FAF1: variants seen among roughly 807,000 people sequenced by gnomAD.
The protein encoded by FAF1 is FAS-associated factor 1.
A neutral mutation model predicts 92.5 loss-of-function variants in FAF1; 25 were observed. The observed-to-expected ratio is 0.27, with a 90% CI of 0.20 to 0.38. The LOEUF (loss-of-function observed/expected upper bound fraction) is 0.38. Ranked by LOEUF, FAF1 falls within the 10% of genes least tolerant of loss-of-function variation. The probability of loss-of-function intolerance (pLI) is 1.00; values close to 1 mark genes in which losing one functional copy is unlikely to be tolerated. For missense variants in FAF1, 636 were observed against 793.3 expected (o/e 0.80, Z 2.38); for synonymous variants, 234 against 273.2 (o/e 0.86, Z 1.42).
intron 3 of FAF1, among the ~76,000 whole-genome samples, chr1:50,796,842 T>C (rs1316638832): frequency 6.6e-6 from 1 of 152,086 alleles, no homozygotes. Context: ...TAAAATTTCT[T>C]GGGTAGACCA....
At chr1:50,849,905 C>T (rs1222182713) in intron 2 of FAF1, among the ~76,000 whole-genome samples, 3 of 152,276 alleles carry the variant, frequency 2.0e-5, no homozygotes, top group Non-Finnish European at 2.9e-5. Flanking sequence ...TTTATCAATA[C>T]AGCTCTTCCT....
chr1:50,727,550 C>G (rs925355219), intron 6 of FAF1, among the ~76,000 whole-genome samples: 2 of 152,172 alleles, frequency 1.3e-5, no homozygotes, highest in Admixed American at 1.3e-4. Flanking sequence ...CAAAAAATCC[C>G]TGATTTTCTG....
At chr1:50,597,588 C>T (rs943708653) in intron 8 of FAF1, among the ~76,000 whole-genome samples, 2 of 151,780 alleles carry the variant, frequency 1.3e-5, no homozygotes, top group Non-Finnish European at 2.9e-5. Context: ...AATTATACTA[C>T]ATCAACACAA....
At chr1:50,775,033 C>A (rs1660905630) in intron 4 of FAF1, among the ~76,000 whole-genome samples, 1 of 151,970 alleles carries the variant, frequency 6.6e-6, no homozygotes, top group Admixed American at 6.6e-5. Context: ...CTGGTAATAA[C>A]GTGGAAAAGG....
chr1:50,763,357 A>AT (rs1456103977), intron 4 of FAF1, among the ~76,000 whole-genome samples: 30 of 152,152 alleles, frequency 2.0e-4, no homozygotes, highest in African/African-American at 7.2e-4. Flanking sequence ...TCTAATACTG[A>AT]TTTTTAACAA....
chr1:50,628,808 A>C (rs1372820896), intron 8 of FAF1, among the ~76,000 whole-genome samples: 2 of 152,228 alleles, frequency 1.3e-5, no homozygotes, highest in Non-Finnish European at 2.9e-5. Context: ...CCCAGTGAAC[A>C]TTATTCACCT....
intron 7 of FAF1, among the ~76,000 whole-genome samples, chr1:50,684,413 C>G (rs896857435): frequency 1.3e-5 from 2 of 152,074 alleles, no homozygotes; most frequent in African/African-American, 4.8e-5. Context: ...AATAAAGCAG[C>G]TGATATACTC....
At chr1:50,544,678 GA>G (rs1367335596) in intron 13 of FAF1, among the ~76,000 whole-genome samples, 1 of 152,052 alleles carries the variant, frequency 6.6e-6, no homozygotes, top group Non-Finnish European at 1.5e-5. Flanking sequence ...AATCTGATCT[GA>G]AAAAAATACT....
chr1:50,545,742 C>T (rs1400613485), intron 13 of FAF1, among the ~76,000 whole-genome samples: 3 of 152,136 alleles, frequency 2.0e-5, no homozygotes, highest in Non-Finnish European at 4.4e-5. Context: ...GGGCAATTTG[C>T]CAATAAAAAT....
intron 8 of FAF1, among the ~76,000 whole-genome samples, chr1:50,607,203 T>C (rs1652468981): frequency 6.6e-6 from 1 of 152,126 alleles, no homozygotes; most frequent in Non-Finnish European, 1.5e-5. Flanking sequence ...GGTGCCCTTG[T>C]ATGACTCCTT....
intron 6 of FAF1, among the ~76,000 whole-genome samples, chr1:50,717,496 A>G (rs1658225620): frequency 6.6e-6 from 1 of 152,192 alleles, no homozygotes; most frequent in Non-Finnish European, 1.5e-5. Context: ...TAAGCTACCC[A>G]ATAAATGGTA....
chr1:50,543,251 A>T lies in FAF1; in HGVS notation c.1269-3523T>A, dbSNP rs181968302. Among the ~76,000 whole-genome samples, 265 of 152,316 alleles carry T rather than the reference A, an allele frequency of 1.7e-3. 2 individuals carry two copies. Among genetic ancestry groups the T allele is most frequent in the Non-Finnish European group, 2.1e-3 (146 of 68,014 alleles). On this transcript the variant is annotated intron_variant, in intron 13 of 18. Coordinates refer to ENST00000396153, the MANE Select transcript of FAF1 (RefSeq NM_007051.3). ...AAGTCACTGGCTTTCACCAAGCTAT[A>T]CTCTAACATAAAATATATATTAAAT...
At chr1:50,794,048 A>G (rs550456134) in intron 3 of FAF1, among the ~76,000 whole-genome samples, 3 of 152,224 alleles carry the variant, frequency 2.0e-5, no homozygotes, top group Non-Finnish European at 4.4e-5. Flanking sequence ...AATGTGAAAT[A>G]CTTCTGGTCC....
chr1:50,833,780 C>T (rs987834191), intron 2 of FAF1, among the ~76,000 whole-genome samples: 1 of 152,188 alleles, frequency 6.6e-6, no homozygotes, highest in Middle Eastern at 3.4e-3. Context: ...GACCTCTGTG[C>T]CAAAACTCAG....
chr1:50,484,852 G>A (rs1366516484), intron 17 of FAF1, among the ~76,000 whole-genome samples: 1 of 148,400 alleles, frequency 6.7e-6, no homozygotes, highest in East Asian at 2.0e-4. Flanking sequence ...TAAAACTATT[G>A]TTTTTTTTAA....
At position 50,460,531 on chromosome 1, in the gene FAF1, T is replaced by C. The variant is rs141637578; in HGVS notation, c.1869+14933A>G. ...AGGACTATTAGCTATGAATTCAATG[T>C]TAATGAACCAACAGTATATATTAAT... On this transcript the variant is annotated intron_variant, in intron 18 of 18. Transcript: ENST00000396153. Among the ~76,000 whole-genome samples the C allele has an allele frequency of 6.6e-3, 1,007 of 152,274 alleles. 4 individuals are homozygous for C. The highest frequency in any genetic ancestry group is 0.011 in the Non-Finnish European group (733 of 68,020).
At chr1:50,916,959 T>C (rs146662319) in intron 1 of FAF1, among the ~76,000 whole-genome samples, 2 of 152,262 alleles carry the variant, frequency 1.3e-5, no homozygotes, top group African/African-American at 4.8e-5. Flanking sequence ...AAGTCCTAGG[T>C]AACTGGCAAT....
chr1:50,485,603 A>C (rs1646755464), intron 17 of FAF1, among the ~76,000 whole-genome samples: 1 of 135,930 alleles, frequency 7.4e-6, no homozygotes, highest in Admixed American at 8.0e-5. Context: ...CAGAGGTTGC[A>C]GTGAGCCGAG....
chr1:50,746,284 ATATATATATTTTTTTTTTTT>A (rs1393528540), intron 4 of FAF1, among the ~76,000 whole-genome samples: 4 of 18,348 alleles, frequency 2.2e-4, no homozygotes, highest in East Asian at 1.8e-3. Flanking sequence ...ATATATATAT[ATATATATATTTTTTTTTTTT>A]TTTTTTTTTT....
Sources: allele counts gnomAD v4.1 joint callset (sites outside exome capture counted in the v4.1 genomes callset), GRCh38; gene constraint gnomAD v4.1.1; transcripts MANE v1.5; gene names NCBI Gene and HGNC (gene_info 2026-07-23, HGNC 2026-07-21).